Variants in CEP83 observed in about 807,000 individuals in gnomAD.
CEP83 encodes the protein centrosomal protein 83, also known as centrosomal protein of 83 kDa.
CEP83 carries 70 observed loss-of-function variants against 101.9 expected under a neutral mutation model. The ratio of observed to expected loss-of-function variants is 0.69; its 90% CI spans 0.57 to 0.84. The LOEUF is 0.84. Among genes scored for constraint, CEP83 ranks in the 40% least tolerant of loss-of-function variants. The pLI is 0.00. For missense variants in CEP83, 715 were observed against 787.2 expected (o/e 0.91, Z 1.10); for synonymous variants, 264 against 267.9 (o/e 0.99, Z 0.14).
chr12:94,387,321 G>T (rs901227639), intron 6 of CEP83, among the ~76,000 whole-genome samples: 2 of 152,150 alleles, frequency 1.3e-5, no homozygotes, highest in Non-Finnish European at 2.9e-5. Flanking sequence ...ATCAGTGGGA[G>T]CATTAGATTC....
chr12:94,454,714 T>C (rs1328792970), intron 1 of CEP83, among the ~76,000 whole-genome samples: 1 of 152,164 alleles, frequency 6.6e-6, no homozygotes, highest in African/African-American at 2.4e-5. Context: ...TTATGAGCTG[T>C]AACACTCACC....
intron 1 of CEP83, among the ~76,000 whole-genome samples, chr12:94,443,658 T>C (rs2066588845): frequency 6.6e-6 from 1 of 151,892 alleles, no homozygotes; most frequent in African/African-American, 2.4e-5. Flanking sequence ...CCCGGCTATT[T>C]TTTGTATTTT....
At chr12:94,356,127 C>T (rs560442945) in intron 11 of CEP83, among the ~76,000 whole-genome samples, 1 of 152,254 alleles carries the variant, frequency 6.6e-6, no homozygotes, top group South Asian at 2.1e-4. Flanking sequence ...GCCAGAGCGA[C>T]GGCTGGGAAC....
Position 94,359,305 on chromosome 12 carries a change from G to A in CEP83, c.1343+8489C>T, listed in dbSNP as rs141188774. 1.3e-4 allele frequency among the ~76,000 whole-genome samples: 19 copies of A among 151,964 alleles called. No homozygotes were observed. The East Asian group carries it at 1.9e-3, about 15-fold the overall frequency. ...GGGTCTCCCCAACTGAGCTGGTCTC[G>A]GCAAAAAGGAGACTAAAAAACTATA... On this transcript the variant is annotated intron_variant, in intron 11 of 16. Coordinates refer to ENST00000397809, the MANE Select transcript of CEP83 (RefSeq NM_016122.3).
At chr12:94,333,155 T>C (rs2059307855) in intron 13 of CEP83, among the ~76,000 whole-genome samples, 1 of 151,916 alleles carries the variant, frequency 6.6e-6, no homozygotes, top group African/African-American at 2.4e-5. Context: ...AAAAACCCAT[T>C]CTGTTCTCTG....
At chr12:94,286,042 T>TGAA in the CEP83 span, among the ~76,000 whole-genome samples, 3 of 152,128 alleles carry the variant, frequency 2.0e-5, no homozygotes, top group Non-Finnish European at 4.4e-5. Flanking sequence ...CAAGGCAAGG[T>TGAA]GAAGGCCTGT....
At chr12:94,319,756 T>C (rs1971332506) in intron 14 of CEP83, among the ~76,000 whole-genome samples, 1 of 152,178 alleles carries the variant, frequency 6.6e-6, no homozygotes, top group South Asian at 2.1e-4. Flanking sequence ...TTGCTGAGGA[T>C]TGTTTTATGT....
intron 13 of CEP83, among the ~76,000 whole-genome samples, chr12:94,332,531 G>T (rs1452527659): frequency 6.6e-6 from 1 of 151,982 alleles, no homozygotes; most frequent in African/African-American, 2.4e-5. Context: ...GAAATTCTAT[G>T]AATATTATTT....
At chr12:94,390,045 T>C (rs982932496) in intron 6 of CEP83, among the ~76,000 whole-genome samples, 1 of 152,214 alleles carries the variant, frequency 6.6e-6, no homozygotes, top group Non-Finnish European at 1.5e-5. Flanking sequence ...GGGGCATAGC[T>C]GAACAAAAGG....
intron 11 of CEP83, among the ~76,000 whole-genome samples, chr12:94,352,223 A>G (rs563393853): frequency 6.6e-6 from 1 of 152,300 alleles, no homozygotes; most frequent in East Asian, 1.9e-4. Context: ...GTTTGAGAAC[A>G]GCCTGGCCAA....
At chr12:94,372,764 T>C (rs759623322) in intron 8 of CEP83, among the ~76,000 whole-genome samples, 1 of 152,236 alleles carries the variant, frequency 6.6e-6, no homozygotes, top group Non-Finnish European at 1.5e-5. Flanking sequence ...AAGTGAGGTC[T>C]GTCTTCAGGC....
Position 94,331,712 on chromosome 12 carries a change from A to AATTGC in CEP83, c.1690_1694dup (p.Ile565MetfsTer16). On this transcript the variant is annotated frameshift_variant, in exon 14 of 17. Coordinates refer to ENST00000397809, the MANE Select transcript of CEP83 (RefSeq NM_016122.3). LOFTEE classifies it high-confidence loss of function. ...AAGAACCACTTGCCTTTTTCTGGGC[A>AATTGC]ATTGCAGCTCGCTGCAGTTTCTCCT... 6.2e-7 allele frequency: 1 copy of AATTGC among 1,613,814 alleles called. No homozygotes were observed. The highest frequency in any genetic ancestry group is 8.5e-7 in the Non-Finnish European group (1 of 1,179,954).
At chr12:94,268,588 C>CTTTTTTTTTTTTTT in the CEP83 span, among the ~76,000 whole-genome samples, 13 of 90,884 alleles carry the variant, frequency 1.4e-4, no homozygotes, top group Admixed American at 2.8e-4. Flanking sequence ...AGAATAAGAC[C>CTTTTTTTTTTTTTT]TTTTTTTTTT....
the CEP83 span, among the ~76,000 whole-genome samples, chr12:94,275,366 T>C: frequency 2.0e-5 from 3 of 152,194 alleles, no homozygotes; most frequent in African/African-American, 4.8e-5. Flanking sequence ...GCCGGAGAGA[T>C]GGCGCTTCCA....
At chr12:94,339,856 C>T (rs1000575378) in intron 11 of CEP83, among the ~76,000 whole-genome samples, 4 of 152,132 alleles carry the variant, frequency 2.6e-5, no homozygotes, top group African/African-American at 9.7e-5. Flanking sequence ...AACCAGGATA[C>T]AATAATTGAT....
downstream of CEP83, chr12:94,305,182 T>C: frequency 6.3e-7 from 1 of 1,594,664 alleles, no homozygotes; most frequent in Non-Finnish European, 8.6e-7. Flanking sequence ...TGTCAACAGA[T>C]TCTAAATAAA....
At chr12:94,400,299 G>C (rs368921091) in intron 6 of CEP83, among the ~76,000 whole-genome samples, 2 of 152,156 alleles carry the variant, frequency 1.3e-5, no homozygotes, top group African/African-American at 4.8e-5. Context: ...GAGTAGAAAG[G>C]CTGCCAAAAG....
chr12:94,419,461 C>T (rs749533694), intron 2 of CEP83, among the ~76,000 whole-genome samples: 4 of 151,894 alleles, frequency 2.6e-5, no homozygotes, highest in African/African-American at 4.8e-5. Context: ...CAATTAATAT[C>T]CAAATGAGTG....
chr12:94,343,582 C>T (rs967342665), intron 11 of CEP83, among the ~76,000 whole-genome samples: 4 of 145,920 alleles, frequency 2.7e-5, no homozygotes, highest in South Asian at 2.2e-4. Context: ...CTCCGCTTCC[C>T]GGGTTCACGC....
Sources: allele counts gnomAD v4.1 joint callset (sites outside exome capture counted in the v4.1 genomes callset), GRCh38; gene constraint gnomAD v4.1.1; transcripts MANE v1.5; gene names NCBI Gene and HGNC (gene_info 2026-07-23, HGNC 2026-07-21).